Variants in RIC8B observed in about 807,000 individuals in gnomAD.
RIC8B encodes the protein chaperone Ric-8B.
Under a neutral mutation model 57.5 loss-of-function variants are expected in RIC8B, and 16 were observed. The observed-to-expected ratio is 0.28, with a 90% CI of 0.19 to 0.42. RIC8B has a LOEUF of 0.42. Among genes scored for constraint, RIC8B ranks in the 10% least tolerant of loss-of-function variants. The pLI is 1.00. For missense variants in RIC8B, 481 were observed against 677.0 expected (o/e 0.71, Z 3.21); for synonymous variants, 216 against 250.8 (o/e 0.86, Z 1.31).
intron 7 of RIC8B, among the ~76,000 whole-genome samples, chr12:106,857,952 G>C (rs964736977): frequency 4.6e-5 from 7 of 152,122 alleles, no homozygotes; most frequent in African/African-American, 1.7e-4. Context: ...TATGTCTTAA[G>C]TCACCTTTGT....
At chr12:106,791,333 T>C (rs1002719267) in intron 2 of RIC8B, among the ~76,000 whole-genome samples, 1 of 152,224 alleles carries the variant, frequency 6.6e-6, no homozygotes, top group African/African-American at 2.4e-5. Flanking sequence ...TAGATTATAA[T>C]GATATAAGCA....
chr12:106,786,057 G>T (rs1424194252), intron 2 of RIC8B, among the ~76,000 whole-genome samples: 3 of 151,260 alleles, frequency 2.0e-5, no homozygotes, highest in Admixed American at 2.0e-4. Flanking sequence ...CTGTTGCTCA[G>T]GCTGGCCTCA....
chr12:106,885,601 T>C (rs938606604), intron 9 of RIC8B, among the ~76,000 whole-genome samples: 20 of 152,000 alleles, frequency 1.3e-4, no homozygotes, highest in Admixed American at 3.3e-4. Flanking sequence ...AGGTTAATTA[T>C]TCAAAACAGA....
At chr12:106,850,732 AG>A (rs1278099388) in intron 6 of RIC8B, among the ~76,000 whole-genome samples, 1 of 152,228 alleles carries the variant, frequency 6.6e-6, no homozygotes, top group Non-Finnish European at 1.5e-5. Flanking sequence ...AAAAATTAAT[AG>A]CCATTTTTAT....
intron 9 of RIC8B, among the ~76,000 whole-genome samples, chr12:106,885,362 A>G (rs1475664447): frequency 1.3e-5 from 2 of 152,208 alleles, no homozygotes; most frequent in African/African-American, 2.4e-5. Context: ...AAGGAAAGAA[A>G]AGTCGGGGAG....
intron 1 of RIC8B, among the ~76,000 whole-genome samples, chr12:106,781,188 C>T (rs2043748408): frequency 1.3e-5 from 2 of 152,058 alleles, no homozygotes; most frequent in African/African-American, 2.4e-5. Flanking sequence ...GGTCTCAAGC[C>T]ATCTGTCCAC....
intron 2 of RIC8B, among the ~76,000 whole-genome samples, chr12:106,784,882 G>A (rs1239268417): frequency 6.6e-6 from 1 of 152,090 alleles, no homozygotes; most frequent in African/African-American, 2.4e-5. Flanking sequence ...CTCATTTTAC[G>A]TTTTCAGATT....
At chr12:106,838,658 A>G (rs79328584) in intron 4 of RIC8B, among the ~76,000 whole-genome samples, 2,009 of 152,290 alleles carry the variant, frequency 0.013, 31 homozygotes, top group Non-Finnish European at 0.018. Flanking sequence ...AGCACAGGCA[A>G]CAAAAGCAAA....
chr12:106,827,514 T>G (rs2046161973), intron 4 of RIC8B, among the ~76,000 whole-genome samples: 1 of 152,206 alleles, frequency 6.6e-6, no homozygotes. Context: ...CCATATTATT[T>G]TAGTTATGAT....
rs1204738103 is a variant in RIC8B, at chr12:106,887,400, A to G, written c.*1385A>G. ...TGGTCCCACTTCTAATAGCCTTTTT[A>G]AGGACAGGTAGAGTACATGGAGGGT... On this transcript the variant is annotated 3_prime_UTR_variant, in exon 10 of 10. Coordinates refer to ENST00000392837, the MANE Select transcript of RIC8B (RefSeq NM_001330145.2). 1.3e-5 allele frequency: 2 copies of G among 152,366 alleles called. No individual in the cohort carries two copies. The highest frequency in any genetic ancestry group is 2.9e-5 in the Non-Finnish European group (2 of 68,024). 9.4% of individuals were successfully genotyped at this position (152,366 alleles called of 1,614,324 possible). A position where few individuals can be genotyped will look rare whatever the true frequency, so the allele number is the denominator to read the frequency against.
chr12:106,882,048 A>ATG (rs940927923), intron 9 of RIC8B, among the ~76,000 whole-genome samples: 1 of 152,158 alleles, frequency 6.6e-6, no homozygotes, highest in South Asian at 2.1e-4. Flanking sequence ...ATATTGTTTA[A>ATG]TGTGTGTGTG....
Position 106,851,520 on chromosome 12 carries a change from G to C in RIC8B, c.1232G>C (p.Arg411Pro). 6.2e-7 allele frequency: 1 copy of C among 1,613,428 alleles called. No individual in the cohort carries two copies. The highest frequency in any genetic ancestry group is 8.5e-7 in the Non-Finnish European group (1 of 1,179,798). Residue 411 changes from arginine to proline, a missense_variant, in exon 7 of 10, where the codon CGC becomes CCC. By Grantham distance (103) the Arg-to-Pro change is moderately radical. This residue lies in a region of RIC8B where 421 missense variants were observed against 560.9 expected (regional missense o/e 0.75). Transcript: ENST00000392837. ...VGSTVRNKLV[R>P]LMTHVDLGVK... ...TCAACTGTGAGAAATAAGCTGGTGC[G>C]CCTCATGACACATGTTGACCTTGGA...
intron 9 of RIC8B, among the ~76,000 whole-genome samples, chr12:106,882,582 G>A (rs1283923467): frequency 2.6e-5 from 4 of 152,054 alleles, no homozygotes; most frequent in Non-Finnish European, 4.4e-5. Flanking sequence ...ACTGAGACTC[G>A]GAAGCTTGCC....
At chr12:106,871,411 A>G (rs1284032941) in intron 9 of RIC8B, 1 of 150,872 alleles carries the variant, frequency 6.6e-6, no homozygotes, top group African/African-American at 2.4e-5. Context: ...GAAAAAGTGA[A>G]AAGAAATAGC....
chr12:106,789,183 G>T (rs1274504637), intron 2 of RIC8B, among the ~76,000 whole-genome samples: 1 of 152,166 alleles, frequency 6.6e-6, no homozygotes, highest in Non-Finnish European at 1.5e-5. Flanking sequence ...TGCTCCACTT[G>T]CAACAAGTTT....
chr12:106,844,789 T>G (rs150504770), intron 6 of RIC8B, among the ~76,000 whole-genome samples: 1 of 152,338 alleles, frequency 6.6e-6, no homozygotes, highest in Non-Finnish European at 1.5e-5. Flanking sequence ...TTAATATGTC[T>G]TAAAAGTAGC....
At chr12:106,866,142 A>G (rs1950130382) in intron 8 of RIC8B, among the ~76,000 whole-genome samples, 1 of 152,142 alleles carries the variant, frequency 6.6e-6, no homozygotes, top group South Asian at 2.1e-4. Flanking sequence ...TCTCCTCCAA[A>G]AAGTAAGCTC....
At chr12:106,827,365 G>A (rs542083711) in intron 4 of RIC8B, among the ~76,000 whole-genome samples, 3 of 152,230 alleles carry the variant, frequency 2.0e-5, no homozygotes, top group South Asian at 2.1e-4. Flanking sequence ...ATTTAACATA[G>A]GGTTGTTCTT....
intron 4 of RIC8B, among the ~76,000 whole-genome samples, chr12:106,829,098 A>C (rs1383493450): frequency 6.6e-6 from 1 of 152,268 alleles, no homozygotes; most frequent in Non-Finnish European, 1.5e-5. Context: ...CTTGACCTTC[A>C]TTTCCACTAA....
Sources: allele counts gnomAD v4.1 joint callset (sites outside exome capture counted in the v4.1 genomes callset), GRCh38; gene constraint gnomAD v4.1.1; regional missense constraint gnomAD v4.1.1; transcripts MANE v1.5; gene names NCBI Gene and HGNC (gene_info 2026-07-23, HGNC 2026-07-21).